Variants in MLST8 observed in about 807,000 individuals in gnomAD.
MLST8 encodes the protein target of rapamycin complex subunit LST8.
MLST8 carries 20 observed loss-of-function variants against 41.3 expected under a neutral mutation model. The observed-to-expected ratio is 0.48, with a 90% confidence interval of 0.34 to 0.70. The LOEUF (loss-of-function observed/expected upper bound fraction) is 0.70. Ranked by LOEUF, MLST8 falls within the 30% of genes least tolerant of loss-of-function variation. The probability of loss-of-function intolerance (pLI) is 0.01; values close to 1 mark genes in which losing one functional copy is unlikely to be tolerated. For missense variants in MLST8, 422 were observed against 454.3 expected, an observed-to-expected ratio of 0.93 and a Z score of 0.65; for synonymous variants, 243 against 183.0, an observed-to-expected ratio of 1.33 and a Z score of -2.65.
chr16:2,208,136 G>A (rs2093332744), intron 6 of MLST8, 74 bp from the exon 7 acceptor site: 2 of 1,515,780 alleles, frequency 1.3e-6, no homozygotes, highest in East Asian at 4.7e-5. Flanking sequence ...CCCAGTGTTG[G>A]CCCCCAGGGC....
rs1039128603 is a variant in MLST8 at position 2,209,219 on chromosome 16, A to G, written c.*342A>G. ...CTCTGCCCCTCCCTGCCCGCGTTTC[A>G]GGGCCTCGGTCCATAGAGAACACCA... On this transcript the variant is annotated 3_prime_UTR_variant, in exon 9 of 9. Coordinates refer to ENST00000569417, the MANE Select transcript of MLST8 (RefSeq NM_022372.6). The G allele has an allele frequency of 1.4e-5, 11 of 798,676 alleles. No homozygotes were observed. Among genetic ancestry groups the G allele is most frequent in the Non-Finnish European group, 1.8e-5 (9 of 508,558 alleles). The allele number at this position is 798,676 out of a possible 1,614,324, so 49.5% of individuals were successfully genotyped here. A position where few individuals can be genotyped will look rare whatever the true frequency, so the allele number is the denominator to read the frequency against.
rs1462285737 is a variant in MLST8 at position 2,207,068 on chromosome 16, G to T, written c.378G>T (p.Gln126His). 1 of 1,613,616 alleles carries T rather than the reference G, an allele frequency of 6.2e-7. No homozygotes were observed. The highest frequency in any genetic ancestry group is 8.5e-7 in the Non-Finnish European group (1 of 1,180,018). ...SRNLQCQRIF[Q>H]VNAPINCVCL... ...ACCTGCAGTGCCAGCGGATCTTCCA[G>T]GTGAACGCACCCATTAACTGCGTGT... The change falls in exon 5 of 9, where the codon CAG becomes CAT. Residue 126 changes from glutamine (Q) to histidine (H), a missense_variant. Gln to His is a conservative substitution (Grantham distance 24). Transcript: ENST00000569417.
intron 4 of MLST8, 110 bp from the exon 5 acceptor site, chr16:2,206,925 A>G: frequency 7.2e-7 from 1 of 1,397,170 alleles, no homozygotes; most frequent in East Asian, 2.3e-5. Flanking sequence ...AGTATTTCCC[A>G]AGAGGCAGGT....
rs2093294972 is a variant in MLST8 at position 2,206,601 on chromosome 16, G to C, written c.286G>C (p.Asp96His). The C allele has an allele frequency of 6.2e-7, 1 of 1,614,030 alleles. No homozygotes were observed. ...CATCGCGTCTGTGGGCTTCCACGAA[G>C]ACGGCCGCTGGATGTACACGGGCGG... ...KNIASVGFHE[D>H]GRWMYTGGED... Residue 96 changes from aspartate to histidine, a missense_variant, in exon 4 of 9, where the codon GAC becomes CAC. By Grantham distance (81) the Asp-to-His change is moderately conservative. Coordinates refer to ENST00000569417, the MANE Select transcript of MLST8 (RefSeq NM_022372.6).
At chr16:2,207,984 AGTCCTTGGCCAGGCGTGGCCTCCT>A (rs2093329288) in intron 6 of MLST8, 2 of 455,950 alleles carry the variant, frequency 4.4e-6, no homozygotes, top group African/African-American at 2.0e-5. Flanking sequence ...GGAGAATTTG[AGTCCTTGGCCAGGCGTGGCCTCCT>A]GTTCTTGGCT....
At position 2,208,469 on chromosome 16, in the gene MLST8, G is replaced by A; in HGVS notation, c.718G>A (p.Ala240Thr). ...CACTAGGCTCCTCGCCACCTGCTCG[G>A]CTGATCAGACGTGCAAGATCTGGAG... Reference protein sequence around the residue: ...PDSTLLATCSADQTCKIWRTS... With the variant: ...PDSTLLATCSTDQTCKIWRTS... The change falls in exon 8 of 9, where the codon GCT becomes ACT. Residue 240 changes from alanine to threonine, a missense_variant. Physicochemically the swap from Ala to Thr is moderately conservative, Grantham distance 58. Transcript: ENST00000569417. 6.2e-7 allele frequency: 1 copy of A among 1,612,924 alleles called. No individual in the cohort carries two copies. The highest frequency in any genetic ancestry group is 8.5e-7 in the Non-Finnish European group (1 of 1,179,770).
chr16:2,207,429 C>A, intron 6 of MLST8, 84 bp downstream of exon 6: 3 of 1,507,388 alleles, frequency 2.0e-6, no homozygotes, highest in South Asian at 1.2e-5. Flanking sequence ...CCTGGATGTC[C>A]CTTAGCGGCC....
At chr16:2,207,599 C>G in intron 6 of MLST8, 1 of 530,366 alleles carries the variant, frequency 1.9e-6, no homozygotes, top group Non-Finnish European at 3.4e-6. Context: ...CACTCTGTTG[C>G]CTCCTGGTCC....
Position 2,206,492 on chromosome 16 carries a change from C to T in MLST8, c.182-5C>T, listed in dbSNP as rs538724083. 1.9e-6 allele frequency: 3 copies of T among 1,611,108 alleles called. No homozygotes were observed. Among genetic ancestry groups the T allele is most frequent in the African/African-American group, 1.3e-5 (1 of 74,976 alleles). ...GCCAAGCTTCAGTTCAGCCTGTGTC[C>T]CTAGGTTACCAGCACATCCGCATGT... On this transcript the variant is annotated splice_region_variant and splice_polypyrimidine_tract_variant and intron_variant, in intron 3 of 8. Coordinates refer to ENST00000569417, the MANE Select transcript of MLST8 (RefSeq NM_022372.6).
In MLST8 at chr16:2,208,344, G is replaced by C. The variant is rs2093338138; in HGVS notation, c.698+10G>C. ...TCAGCCCCGACTCCACGTGCGTGCA[G>C]GGCCTGCTGGCCCGGGAGGGGACCT... On this transcript the variant is annotated intron_variant, in intron 7 of 8. Transcript: ENST00000569417. The C allele has an allele frequency of 1.2e-6, 2 of 1,605,508 alleles. No homozygotes were observed. The highest frequency in any genetic ancestry group is 1.7e-6 in the Non-Finnish European group (2 of 1,174,526).
chr16:2,207,689 A>T (rs2093321979), intron 6 of MLST8: 1 of 353,236 alleles, frequency 2.8e-6, no homozygotes, highest in Non-Finnish European at 5.3e-6. Flanking sequence ...CTGGCCCCTG[A>T]CACGTTCTCT....
chr16:2,208,438 C>T lies in MLST8; in HGVS notation c.699-12C>T, dbSNP rs1415380006. ...TGGCTGCTGCTGGACACGCCCCATG[C>T]CCACCCACTAGGCTCCTCGCCACCT... On this transcript the variant is annotated splice_polypyrimidine_tract_variant and intron_variant, in intron 7 of 8. Coordinates refer to ENST00000569417, the MANE Select transcript of MLST8 (RefSeq NM_022372.6). 2.5e-6 allele frequency: 4 copies of T among 1,611,954 alleles called. No individual in the cohort carries two copies. The highest frequency in any genetic ancestry group is 2.5e-6 in the Non-Finnish European group (3 of 1,179,488).
At chr16:2,207,907 C>T (rs941571225) in intron 6 of MLST8, 1 of 316,774 alleles carries the variant, frequency 3.2e-6, no homozygotes, top group African/African-American at 2.2e-5. Flanking sequence ...TGGCCTTTGT[C>T]ATGCTGTCTC....
At position 2,209,308 on chromosome 16, in the gene MLST8, G is replaced by A; in HGVS notation, c.*431G>A. On this transcript the variant is annotated 3_prime_UTR_variant, in exon 9 of 9. Transcript: ENST00000569417. ...AGCAGCTGTCCTCCCTGGTGCAGGT[G>A]GCCTGGCCAGCCCACTGGATTGGGG... is the stretch of plus-strand genomic sequence containing the variant. 6.7e-7 allele frequency: 1 copy of A among 1,503,014 alleles called. No homozygotes were observed. Among genetic ancestry groups the A allele is most frequent in the South Asian group, 1.2e-5 (1 of 85,254 alleles). The allele number at this position is 1,503,014 out of a possible 1,614,324, so 93.1% of individuals were successfully genotyped here. A position where few individuals can be genotyped will look rare whatever the true frequency, so the allele number is the denominator to read the frequency against.
rs1231700890 is a variant in MLST8, at chr16:2,208,625, C to T, written c.862+12C>T. The T allele has an allele frequency of 3.7e-6, 6 of 1,611,998 alleles. No individual in the cohort carries two copies. Among genetic ancestry groups the T allele is most frequent in the East Asian group, 4.5e-5 (2 of 44,860 alleles). ...GTACATCGTCACTGGTGAGCCCCGC[C>T]CTGGCCTCCCCCATCCCTGGCCCCC... On this transcript the variant is annotated intron_variant, in intron 8 of 8. Transcript: ENST00000569417.
chr16:2,207,252 C>T lies in MLST8; in HGVS notation c.480C>T (p.Asp160=). ...GAIHIWDLKT[D]HNEQLIPEPE... Reference sequence around the variant, plus strand: ...TCCACATCTGGGACTTGAAAACAGACCACAACGAGCAGCTGATCCCTGAGC... The same window carrying T: ...TCCACATCTGGGACTTGAAAACAGATCACAACGAGCAGCTGATCCCTGAGC... The change falls in exon 6 of 9, where the codon GAC becomes GAT. Residue 160 remains aspartate (D), a synonymous_variant. Coordinates refer to ENST00000569417, the MANE Select transcript of MLST8 (RefSeq NM_022372.6). 1.2e-6 allele frequency: 2 copies of T among 1,614,204 alleles called. No homozygotes were observed. Among genetic ancestry groups the T allele is most frequent in the Non-Finnish European group, 1.7e-6 (2 of 1,180,034 alleles).
chr16:2,207,702 T>A (rs1461659524), intron 6 of MLST8: 1 of 334,936 alleles, frequency 3.0e-6, no homozygotes, highest in African/African-American at 2.1e-5. Context: ...CGTTCTCTCT[T>A]GGATGCTTCT....
Position 2,208,191 on chromosome 16 carries a change from C to A in MLST8, c.574-19C>A. ...ACCTGAGGCCTTGGGCCCTCCGTGACGGTCCTCCTGACCTCTAGGGAAACT... is the reference window on the plus strand; with the variant it reads ...ACCTGAGGCCTTGGGCCCTCCGTGAAGGTCCTCCTGACCTCTAGGGAAACT... On this transcript the variant is annotated intron_variant, in intron 6 of 8. Coordinates refer to ENST00000569417, the MANE Select transcript of MLST8 (RefSeq NM_022372.6). 6.3e-7 allele frequency: 1 copy of A among 1,591,604 alleles called. No individual in the cohort carries two copies. The highest frequency in any genetic ancestry group is 1.1e-5 in the South Asian group (1 of 88,826).
In MLST8 at chr16:2,206,355, C is replaced by T; in HGVS notation, c.130-3C>T. The T allele has an allele frequency of 6.2e-7, 1 of 1,614,040 alleles. No individual in the cohort carries two copies. Among genetic ancestry groups the T allele is most frequent in the Non-Finnish European group, 8.5e-7 (1 of 1,180,012 alleles). ...TTCCCGTCATCCTCCTTAACAGTCC[C>T]AGCAGGTGAATGCCTTGGAGGTCAC... On this transcript the variant is annotated splice_polypyrimidine_tract_variant and splice_region_variant and intron_variant, in intron 2 of 8. Transcript: ENST00000569417.
Sources: allele counts gnomAD v4.1 joint callset, GRCh38; gene constraint gnomAD v4.1.1; transcripts MANE v1.5; gene names NCBI Gene and HGNC (gene_info 2026-07-23, HGNC 2026-07-21).